The following NOL8 variants were observed in gnomAD, a reference collection of about 807,000 sequenced individuals.
The protein encoded by NOL8 is nucleolar protein Nop132.
NOL8 carries 93 observed loss-of-function variants against 116.1 expected under a neutral mutation model. That is an observed-to-expected ratio of 0.80 (90% CI 0.68 to 0.95). NOL8 has a LOEUF of 0.95. NOL8 is among the 40% of genes least tolerant of loss of function. NOL8 has a pLI of 0.00. For missense variants in NOL8, 1,291 were observed against 1,382.8 expected, an observed-to-expected ratio of 0.93 and a Z score of 1.05; for synonymous variants, 419 against 469.0, an observed-to-expected ratio of 0.89 and a Z score of 1.38.
chr9:92,313,700 C>CA (rs1839070204), intron 7 of NOL8, among the ~76,000 whole-genome samples: 1 of 152,208 alleles, frequency 6.6e-6, no homozygotes, highest in Admixed American at 6.5e-5. Context: ...TCCACCCTTT[C>CA]ACCTGGGCCT....
chr9:92,305,708 ATTAAT>A (rs1172416624), intron 12 of NOL8, 40 bp downstream of exon 12: 1 of 1,310,460 alleles, frequency 7.6e-7, no homozygotes, highest in Non-Finnish European at 1.1e-6. Context: ...CTGAAATGAG[ATTAAT>A]TTACATGATC....
rs1564227673 is a variant in NOL8 at position 92,314,597 on chromosome 9, T to C, written c.2028A>G (p.Leu676=). Residue 676 remains leucine, a synonymous_variant, in exon 7 of 17, where the codon TTA becomes TTG. Transcript: ENST00000442668. ...TAAGACTTAAGGACTTCTTACCTTC[T>C]AATGGCCTAGAAATAGGATTCTTAC... The part of the protein sequence containing the change: ...KRSKNPISRP[L]EGKKSLSLSA... The C allele has an allele frequency of 6.2e-7, 1 of 1,612,754 alleles. No homozygotes were observed. Among genetic ancestry groups the C allele is most frequent in the Non-Finnish European group, 8.5e-7 (1 of 1,179,322 alleles).
chr9:92,324,128 C>G lies in NOL8; in HGVS notation c.34G>C (p.Val12Leu). 6.2e-7 allele frequency: 1 copy of G among 1,613,968 alleles called. No homozygotes were observed. The highest frequency in any genetic ancestry group is 8.5e-7 in the Non-Finnish European group (1 of 1,179,838). ...KVNRETKRLY[V>L]GGLSQDISEA... is the part of the protein sequence containing the mutation. Reference sequence around the variant, plus strand: ...GAAATGTCCTGGCTAAGGCCACCCACATAAAGGCGCTTCGTTTCTCTGTTC... The same window carrying G: ...GAAATGTCCTGGCTAAGGCCACCCAGATAAAGGCGCTTCGTTTCTCTGTTC... The change falls in exon 2 of 17, where the codon GTG becomes CTG. Residue 12 changes from valine (V) to leucine (L), a missense_variant. By Grantham distance (32) the Val-to-Leu change is conservative. Coordinates refer to ENST00000442668, the MANE Select transcript of NOL8 (RefSeq NM_017948.6).
rs192242924 is a variant in NOL8, at chr9:92,307,887, C to T, written c.2687-863G>A. Among the ~76,000 whole-genome samples the T allele has an allele frequency of 3.2e-4, 48 of 152,190 alleles. No individual in the cohort carries two copies. In the East Asian group the frequency reaches 7.1e-3, roughly 23 times the overall value. On this transcript the variant is annotated intron_variant, in intron 10 of 16. Coordinates refer to ENST00000442668, the MANE Select transcript of NOL8 (RefSeq NM_017948.6). ...AGCATGCTAGGTGTTGGAAACAAAA[C>T]GAACACATATATTGAAATAATAAAG...
intron 6 of NOL8, 74 bp downstream of exon 6, chr9:92,318,544 C>T: frequency 1.9e-6 from 2 of 1,038,520 alleles, no homozygotes; most frequent in Non-Finnish European, 2.9e-6. Flanking sequence ...TGATAAGAGA[C>T]AGTGAAATGC....
chr9:92,324,158 T>C lies in NOL8; in HGVS notation c.4A>G (p.Lys2Glu), dbSNP rs780195221. The C allele has an allele frequency of 5.6e-6, 9 of 1,613,528 alleles. No homozygotes were observed. In the South Asian group the frequency reaches 8.8e-5, roughly 16 times the overall value. Residue 2 changes from lysine to glutamate, a missense_variant, in exon 2 of 17, where the codon AAA (lysine) becomes GAA (glutamate). Transcript: ENST00000442668. ...AGGCGCTTCGTTTCTCTGTTCACTT[T>C]CATGAAGGCTGGGCATATACTTGGG... Reference protein sequence around the residue: MKVNRETKRLYV... With the variant: MEVNRETKRLYV...
At chr9:92,316,243 C>T (rs368420405) in intron 6 of NOL8, 105 bp from the exon 7 acceptor site, 12 of 1,240,094 alleles carry the variant, frequency 9.7e-6, no homozygotes, top group East Asian at 5.0e-5. Context: ...ATTTCCCCCC[C>T]CTTTCAGTTT....
Position 92,323,949 on chromosome 9 carries a change from G to T in NOL8, c.139+74C>A, listed in dbSNP as rs796943734. ...GTGTTCAGAGCTAACATTTATCTTG[G>T]GGTTGTTTTATTTTCTAGCACTTAA... On this transcript the variant is annotated intron_variant, in intron 2 of 16. Coordinates refer to ENST00000442668, the MANE Select transcript of NOL8 (RefSeq NM_017948.6). 2.3e-5 allele frequency: 35 copies of T among 1,493,166 alleles called. No individual in the cohort carries two copies. In the African/African-American group the frequency reaches 4.2e-4, roughly 18 times the overall value. 92.5% of individuals were successfully genotyped at this position (1,493,166 alleles called of 1,614,324 possible). A position where few individuals can be genotyped will look rare whatever the true frequency, so the allele number is the denominator to read the frequency against.
At chr9:92,298,427 C>T (rs1443067017) in intron 15 of NOL8, 91 bp from the exon 16 acceptor site, 1 of 722,974 alleles carries the variant, frequency 1.4e-6, no homozygotes, top group Non-Finnish European at 2.3e-6. Flanking sequence ...GTCTCGAATA[C>T]CAGTTAAGAT....
chr9:92,311,035 C>T, intron 8 of NOL8, 111 bp downstream of exon 8: 1 of 814,624 alleles, frequency 1.2e-6, no homozygotes. Context: ...CTGGCAAGCC[C>T]TGGGTCTCAT....
In NOL8 at chr9:92,319,375, A is replaced by G; in HGVS notation, c.282-19T>C. 1 of 1,525,218 alleles carries G rather than the reference A, an allele frequency of 6.6e-7. No individual in the cohort carries two copies. Among genetic ancestry groups the G allele is most frequent in the Non-Finnish European group, 8.7e-7 (1 of 1,144,748 alleles). 94.5% of individuals were successfully genotyped at this position (1,525,218 alleles called of 1,614,324 possible). On this transcript the variant is annotated intron_variant, in intron 4 of 16. Transcript: ENST00000442668. ...GGCCAATCTGAATCAAAAAGAAAAT[A>G]CAAATAAAAGAGTCAAAATAATCAG...
At chr9:92,323,255 C>T (rs1013599018) in intron 3 of NOL8, 186 bp downstream of exon 3, 5 of 1,492,310 alleles carry the variant, frequency 3.4e-6, no homozygotes, top group African/African-American at 1.4e-5. Context: ...GCTACCATGT[C>T]TGCTGATGCC....
Position 92,320,256 on chromosome 9 carries a change from C to A in NOL8, c.282-900G>T, listed in dbSNP as rs1839811335. On this transcript the variant is annotated intron_variant, in intron 4 of 16. Transcript: ENST00000442668. Reference sequence around the variant, plus strand: ...GCCTCTGGTCTGTCTCCTTTATGTCCCAGAATAACCATCAGACCCATGCTT... The same window carrying A: ...GCCTCTGGTCTGTCTCCTTTATGTCACAGAATAACCATCAGACCCATGCTT... The A allele has an allele frequency of 6.7e-6, 3 of 450,994 alleles. No homozygotes were observed. In the Admixed American group the frequency reaches 7.1e-5, roughly 11 times the overall value. The allele number at this position is 450,994 out of a possible 1,614,324, so 27.9% of individuals were successfully genotyped here.
chr9:92,324,011 A>C lies in NOL8; in HGVS notation c.139+12T>G. The C allele has an allele frequency of 6.2e-7, 1 of 1,613,662 alleles. No homozygotes were observed. The highest frequency in any genetic ancestry group is 8.5e-7 in the Non-Finnish European group (1 of 1,179,660). Reference sequence around the variant, plus strand: ...TCTGCCTATAACTGCCCAGTGAAGGACCATAAATTACCTTGGTCATCTTTC... The same window carrying C: ...TCTGCCTATAACTGCCCAGTGAAGGCCCATAAATTACCTTGGTCATCTTTC... On this transcript the variant is annotated intron_variant, in intron 2 of 16. Coordinates refer to ENST00000442668, the MANE Select transcript of NOL8 (RefSeq NM_017948.6).
chr9:92,313,578 G>A (rs564370850), intron 7 of NOL8, among the ~76,000 whole-genome samples: 3 of 152,022 alleles, frequency 2.0e-5, no homozygotes, highest in Non-Finnish European at 2.9e-5. Context: ...GAAACCACTA[G>A]CCTCATTTCT....
At chr9:92,322,331 T>C (rs1839995981) in intron 3 of NOL8, among the ~76,000 whole-genome samples, 4 of 152,192 alleles carry the variant, frequency 2.6e-5, no homozygotes. Flanking sequence ...ATTAACAGAA[T>C]TTTGTAGGTG....
chr9:92,305,907 T>A (rs1838210091), intron 11 of NOL8, 77 bp from the exon 12 acceptor site: 7 of 919,988 alleles, frequency 7.6e-6, no homozygotes, highest in Non-Finnish European at 5.3e-6. Flanking sequence ...CAAATTATAA[T>A]TCAGCACTAG....
intron 12 of NOL8, 64 bp from the exon 13 acceptor site, chr9:92,301,886 C>A: frequency 7.1e-7 from 1 of 1,402,800 alleles, no homozygotes; most frequent in South Asian, 1.4e-5. Context: ...TTCCAGAAAT[C>A]AAGAAAAGAA....
At chr9:92,320,494 G>A (rs1448111440) in intron 4 of NOL8, 1 of 191,494 alleles carries the variant, frequency 5.2e-6, no homozygotes, top group African/African-American at 2.3e-5. Context: ...ATGCCTCAAA[G>A]TAGGTTGCTT....
Sources: gnomAD v4.1 joint callset for allele counts (sites outside exome capture counted in the v4.1 genomes callset) on GRCh38, gnomAD v4.1.1 for gene constraint, MANE v1.5 for transcripts, NCBI Gene and HGNC (gene_info 2026-07-23, HGNC 2026-07-21) for gene names.